The following ALDH1L2 variants were observed in gnomAD, a reference collection of about 807,000 sequenced individuals.
ALDH1L2 encodes mitochondrial 10-formyltetrahydrofolate dehydrogenase.
A neutral mutation model predicts 111.0 loss-of-function variants in ALDH1L2; 91 were observed. The ratio of observed to expected loss-of-function variants is 0.82; its 90% CI spans 0.69 to 0.98. The LOEUF (loss-of-function observed/expected upper bound fraction) is 0.98. ALDH1L2 is among the 50% of genes least tolerant of loss of function. The pLI is 0.00. For synonymous variants in ALDH1L2, 374 were observed against 392.6 expected, an observed-to-expected ratio of 0.95 and a Z score of 0.56; for missense variants, 995 against 1,126.8, an observed-to-expected ratio of 0.88 and a Z score of 1.67.
chr12:105,026,337 T>A (rs1345773910), intron 22 of ALDH1L2, among the ~76,000 whole-genome samples: 1 of 152,246 alleles, frequency 6.6e-6, no homozygotes, highest in Non-Finnish European at 1.5e-5. Context: ...AAGAAATATC[T>A]TTCCACACAA....
At chr12:105,053,479 A>G (rs79158456) in intron 10 of ALDH1L2, among the ~76,000 whole-genome samples, 1,809 of 152,342 alleles carry the variant, frequency 0.012, 19 homozygotes, top group Middle Eastern at 0.037. Flanking sequence ...CAACAATGCA[A>G]TGGGGATAAT....
chr12:105,050,011 T>C lies in ALDH1L2; in HGVS notation c.1583A>G (p.Glu528Gly). 1.2e-6 allele frequency: 2 copies of C among 1,609,704 alleles called. No homozygotes were observed. The highest frequency in any genetic ancestry group is 4.5e-5 in the East Asian group (2 of 44,770). ...ATAGACAGCCCCTGAATCAAGGGCT[T>C]CAATAGTTGCCAGCTCTTCTTGGTT... is the stretch of plus-strand genomic sequence containing the variant. ...EENQEELATI[E>G]ALDSGAVYTL... The change falls in exon 13 of 23, where the codon GAA becomes GGA. Residue 528 changes from glutamate (E) to glycine (G), a missense_variant. Coordinates refer to ENST00000258494, the MANE Select transcript of ALDH1L2 (RefSeq NM_001034173.4).
Position 105,023,825 on chromosome 12 carries a change from T to G in ALDH1L2, c.*599A>C, listed in dbSNP as rs992395807. The G allele has an allele frequency of 6.6e-6, 1 of 152,340 alleles. No individual in the cohort carries two copies. The highest frequency in any genetic ancestry group is 1.5e-5 in the Non-Finnish European group (1 of 68,204). 9.4% of individuals were successfully genotyped at this position (152,340 alleles called of 1,614,324 possible). ...CATATCATTAAATTCTCTATACTCC[T>G]CAGAACATAATATAGTACCTGGTAC... On this transcript the variant is annotated 3_prime_UTR_variant, in exon 23 of 23. Transcript: ENST00000258494.
Position 105,046,693 on chromosome 12 carries a change from GC to G in ALDH1L2, c.1863+16del. The G allele has an allele frequency of 6.2e-7, 1 of 1,607,078 alleles. No homozygotes were observed. Among genetic ancestry groups the G allele is most frequent in the East Asian group, 2.2e-5 (1 of 44,808 alleles). ...AAGAGAGGAGGCAATTCTGCACCTG[GC>G]CCTTTGTGGCCTTACCTGTGCTGGC... On this transcript the variant is annotated intron_variant, in intron 15 of 22. Transcript: ENST00000258494.
In ALDH1L2 at chr12:105,052,854, G is replaced by A. The variant is rs781457233; in HGVS notation, c.1365C>T (p.Asp455=). The A allele has an allele frequency of 1.1e-4, 171 of 1,613,888 alleles. No homozygotes were observed. The highest frequency in any genetic ancestry group is 1.4e-4 in the Non-Finnish European group (165 of 1,179,974). Residue 455 remains aspartate (D), a synonymous_variant, in exon 11 of 23, where the codon GAC becomes GAT. Coordinates refer to ENST00000258494, the MANE Select transcript of ALDH1L2 (RefSeq NM_001034173.4). ...TGATAGTGTCGTAAGTCTTTCCATCGTCTGCATCTGTGAACTGTCCATTTA... is the reference window on the plus strand; with the variant it reads ...TGATAGTGTCGTAAGTCTTTCCATCATCTGCATCTGTGAACTGTCCATTTA... ...CFINGQFTDA[D]DGKTYDTINP...
rs1447720744 is a variant in ALDH1L2, at chr12:105,024,392, T to C, written c.*32A>G. 4.3e-6 allele frequency: 7 copies of C among 1,612,150 alleles called. No individual in the cohort carries two copies. The highest frequency in any genetic ancestry group is 1.7e-4 in the Middle Eastern group (1 of 5,872). On this transcript the variant is annotated 3_prime_UTR_variant, in exon 23 of 23. Transcript: ENST00000258494. ...GTGTGTCCAGAGTTGTAAAGGGCTG[T>C]CTGTCAAGGCTTTCCTGATGATGGT...
intron 2 of ALDH1L2, among the ~76,000 whole-genome samples, chr12:105,071,781 C>G (rs1463995946): frequency 2.0e-5 from 3 of 147,966 alleles, no homozygotes; most frequent in Admixed American, 6.8e-5. Flanking sequence ...CTCAGCCTCC[C>G]GAGTAGTATA....
intron 22 of ALDH1L2, 31 bp downstream of exon 22, chr12:105,026,514 G>A (rs760372370): frequency 6.2e-7 from 1 of 1,612,176 alleles, no homozygotes; most frequent in East Asian, 2.2e-5. Flanking sequence ...TGACAACAAA[G>A]GGAAGGTGAA....
intron 1 of ALDH1L2, chr12:105,074,238 A>G: frequency 2.6e-6 from 1 of 388,790 alleles, no homozygotes; most frequent in Non-Finnish European, 4.7e-6. Context: ...TGGGCGGATC[A>G]CCTGAGGTCA....
rs182721172 is a variant in ALDH1L2, at chr12:105,061,827, C to A, written c.922-75G>T. ...CAAAAGTGAGGCTGGTGGGAGGAGTCCTATAGATTATATGCATATAAGGGC... is the reference window on the plus strand; with the variant it reads ...CAAAAGTGAGGCTGGTGGGAGGAGTACTATAGATTATATGCATATAAGGGC... On this transcript the variant is annotated intron_variant, in intron 7 of 22. Transcript: ENST00000258494. The A allele has an allele frequency of 1.0e-4, 161 of 1,567,184 alleles. No homozygotes were observed. The African/African-American group carries it at 2.1e-3, about 20-fold the overall frequency.
chr12:105,072,387 A>G (rs1877789341), intron 2 of ALDH1L2: 1 of 151,918 alleles, frequency 6.6e-6, no homozygotes, highest in Admixed American at 6.6e-5. Context: ...TTAGGATGAG[A>G]TGATGCCTCC....
At chr12:105,046,193 C>CTCTCTA (rs1256472590) in intron 15 of ALDH1L2, among the ~76,000 whole-genome samples, 22 of 20,162 alleles carry the variant, frequency 1.1e-3, no homozygotes, top group East Asian at 2.8e-3. Context: ...CTCTCTCTCT[C>CTCTCTA]TATATATATA....
chr12:105,046,199 A>C (rs1284525193), intron 15 of ALDH1L2, among the ~76,000 whole-genome samples: 292 of 21,374 alleles, frequency 0.014, no homozygotes, highest in African/African-American at 0.017. Flanking sequence ...CTCTCTATAT[A>C]TATATATATA....
At chr12:105,067,641 A>G (rs764019940) in intron 4 of ALDH1L2, among the ~76,000 whole-genome samples, 40 of 152,022 alleles carry the variant, frequency 2.6e-4, no homozygotes, top group Non-Finnish European at 3.1e-4. Context: ...TCCCATTTTC[A>G]CTGCGAGGCC....
intron 2 of ALDH1L2, among the ~76,000 whole-genome samples, chr12:105,071,287 TAAGTGCTG>T (rs1158048649): frequency 6.6e-6 from 1 of 152,070 alleles, no homozygotes; most frequent in African/African-American, 2.4e-5. Context: ...ATGAAGAGCG[TAAGTGCTG>T]AGCTGAGCTT....
In ALDH1L2 at chr12:105,044,158, C is replaced by A. The variant is rs117601529; in HGVS notation, c.1863+2552G>T. Among the ~76,000 whole-genome samples the A allele has an allele frequency of 5.6e-3, 860 of 152,344 alleles. 4 individuals carry two copies. The highest frequency in any genetic ancestry group is 9.5e-3 in the Non-Finnish European group (644 of 68,036). On this transcript the variant is annotated intron_variant, in intron 15 of 22. Coordinates refer to ENST00000258494, the MANE Select transcript of ALDH1L2 (RefSeq NM_001034173.4). ...GTTTTAAACTGCAGATAGAGCCAGC[C>A]TGTAATTTCCATGGAGACAGAAACT...
chr12:105,038,279 A>AAC (rs555214940), intron 17 of ALDH1L2, 77 bp from the exon 18 acceptor site: 4,063 of 246,546 alleles, frequency 0.016, 29 homozygotes, highest in Middle Eastern at 0.021. Flanking sequence ...CACACACACA[A>AAC]ACACACACAC....
intron 15 of ALDH1L2, among the ~76,000 whole-genome samples, chr12:105,042,319 A>C (rs1426407122): frequency 6.6e-6 from 1 of 152,230 alleles, no homozygotes; most frequent in Non-Finnish European, 1.5e-5. Flanking sequence ...TAATCCTAAA[A>C]CATAGAGAAA....
chr12:105,044,667 A>T (rs954312314), intron 15 of ALDH1L2, among the ~76,000 whole-genome samples: 2 of 147,054 alleles, frequency 1.4e-5, no homozygotes, highest in Non-Finnish European at 3.0e-5. Context: ...AATATCTATC[A>T]CACAAATACA....
Sources: gnomAD v4.1 joint callset for allele counts (sites outside exome capture counted in the v4.1 genomes callset) on GRCh38, gnomAD v4.1.1 for gene constraint, MANE v1.5 for transcripts, NCBI Gene and HGNC (gene_info 2026-07-23, HGNC 2026-07-21) for gene names.